The following PALS2 variants were observed in gnomAD, a reference collection of about 807,000 sequenced individuals.
PALS2 encodes protein associated with LIN7 2, MAGUK p55 family member.
In PALS2, 27 loss-of-function variants were observed where a neutral mutation model predicts 61.6. The ratio of observed to expected loss-of-function variants is 0.44; its 90% CI spans 0.32 to 0.60. The LOEUF is 0.60. Ranked by LOEUF, PALS2 falls within the 20% of genes least tolerant of loss-of-function variation. PALS2 has a pLI of 0.05. For missense variants in PALS2, 554 were observed against 639.4 expected (o/e 0.87, Z 1.44); for synonymous variants, 236 against 218.6 (o/e 1.08, Z -0.70).
At chr7:24,590,863 G>A (rs1408859842) in intron 1 of PALS2, among the ~76,000 whole-genome samples, 1 of 149,308 alleles carries the variant, frequency 6.7e-6, no homozygotes, top group African/African-American at 2.5e-5. Flanking sequence ...TTTTTTTTGA[G>A]GGGATGTTTT....
rs576918593 is a variant in PALS2 at position 24,662,482 on chromosome 7, A to T, written c.652-1108A>T. ...TAAAACAAGTCTGTTTTAAGAAAGC[A>T]GTTGGGCTGGGCGCAGTGGCTTATG... On this transcript the variant is annotated intron_variant, in intron 5 of 11. Transcript: ENST00000222644. Among the ~76,000 whole-genome samples the T allele has an allele frequency of 2.6e-5, 4 of 152,232 alleles. No individual in the cohort carries two copies. The East Asian group carries it at 7.7e-4, about 29-fold the overall frequency.
intron 5 of PALS2, among the ~76,000 whole-genome samples, chr7:24,650,938 T>A (rs1786115938): frequency 6.6e-6 from 1 of 152,216 alleles, no homozygotes; most frequent in Non-Finnish European, 1.5e-5. Flanking sequence ...CCAGGAACCC[T>A]GGCATAATAG....
chr7:24,649,008 T>C (rs1159550783), intron 3 of PALS2, among the ~76,000 whole-genome samples: 2 of 152,150 alleles, frequency 1.3e-5, no homozygotes, highest in African/African-American at 4.8e-5. Context: ...TACGTTATAT[T>C]CGGGACTATT....
chr7:24,623,569 C>T, intron 1 of PALS2, 97 bp from the exon 2 acceptor site: 3 of 620,120 alleles, frequency 4.8e-6, no homozygotes, highest in Non-Finnish European at 5.4e-6. Context: ...TGTCTAGTTG[C>T]ATTATTAAAA....
At chr7:24,680,615 A>C in intron 11 of PALS2, 95 bp downstream of exon 11, 2 of 1,412,970 alleles carry the variant, frequency 1.4e-6, no homozygotes, top group South Asian at 3.0e-5. Flanking sequence ...TTTATTTTTG[A>C]GGCAGAGTTT....
chr7:24,578,436 A>G (rs1371097510), intron 1 of PALS2, among the ~76,000 whole-genome samples: 1 of 152,238 alleles, frequency 6.6e-6, no homozygotes, highest in Non-Finnish European at 1.5e-5. Context: ...GGCCATAAGT[A>G]ATAGAAATCC....
rs745993580 is a variant in PALS2, at chr7:24,691,469, AT to A, written c.*3857del. 15 of 141,846 alleles carry A rather than the reference AT, an allele frequency of 1.1e-4. 1 individual carries two copies. The highest frequency in any genetic ancestry group is 7.9e-4 in the Admixed American group (11 of 13,956). The allele number at this position is 141,846 out of a possible 1,614,324, so 8.8% of individuals were successfully genotyped here. A position where few individuals can be genotyped will look rare whatever the true frequency, so the allele number is the denominator to read the frequency against. On this transcript the variant is annotated 3_prime_UTR_variant, in exon 12 of 12. Transcript: ENST00000222644. ...TACAGCTATGTGTATAATATGTAAA[AT>A]TCTCCCAAAATGTATGAATATAAAA...
intron 11 of PALS2, among the ~76,000 whole-genome samples, chr7:24,683,145 A>T (rs183363538): frequency 1.3e-5 from 2 of 152,266 alleles, no homozygotes; most frequent in African/African-American, 4.8e-5. Context: ...CCTTGGATAA[A>T]TTATATTTTT....
chr7:24,670,922 T>G (rs1169925770), intron 9 of PALS2, among the ~76,000 whole-genome samples: 6 of 152,244 alleles, frequency 3.9e-5, no homozygotes, highest in Non-Finnish European at 2.9e-5. Flanking sequence ...TATTTATATA[T>G]TCATCAGTTG....
intron 1 of PALS2, among the ~76,000 whole-genome samples, chr7:24,616,878 A>G (rs1195150906): frequency 6.6e-6 from 1 of 152,086 alleles, no homozygotes; most frequent in Non-Finnish European, 1.5e-5. Flanking sequence ...TTTGAGTATA[A>G]TGTGCCCCAG....
At chr7:24,632,139 A>T (rs1229569186) in intron 2 of PALS2, among the ~76,000 whole-genome samples, 1 of 152,204 alleles carries the variant, frequency 6.6e-6, no homozygotes, top group Admixed American at 6.5e-5. Context: ...TGTTAAACAC[A>T]CATTCACTAA....
chr7:24,603,352 T>G (rs1783783679), intron 1 of PALS2, among the ~76,000 whole-genome samples: 1 of 152,088 alleles, frequency 6.6e-6, no homozygotes, highest in Non-Finnish European at 1.5e-5. Context: ...ACTTTGCTGG[T>G]GAAAAGTGGT....
chr7:24,653,985 C>T (rs1485290440), intron 5 of PALS2, among the ~76,000 whole-genome samples: 1 of 152,102 alleles, frequency 6.6e-6, no homozygotes, highest in Non-Finnish European at 1.5e-5. Flanking sequence ...TTTGATGAAG[C>T]TTCCAACAGT....
chr7:24,624,877 G>A (rs1784676033), intron 2 of PALS2, among the ~76,000 whole-genome samples: 1 of 152,062 alleles, frequency 6.6e-6, no homozygotes, highest in Non-Finnish European at 1.5e-5. Flanking sequence ...TGGGATTACA[G>A]GCATAAGCCA....
rs546865656 is a variant in PALS2, at chr7:24,621,767, A to C, written c.-2-1899A>C. The stretch of plus-strand genomic sequence containing the variant: ...ACAGTGTTTATATTTTACTTTAATA[A>C]AAATAAAAGTTAATATTAAAAACGA... On this transcript the variant is annotated intron_variant, in intron 1 of 11. Coordinates refer to ENST00000222644, the MANE Select transcript of PALS2 (RefSeq NM_001303037.2). 2.6e-5 allele frequency among the ~76,000 whole-genome samples: 4 copies of C among 152,102 alleles called. No individual in the cohort carries two copies. The South Asian group carries it at 6.2e-4, about 24-fold the overall frequency.
chr7:24,649,977 G>A (rs766127169), intron 4 of PALS2, among the ~76,000 whole-genome samples: 5 of 152,040 alleles, frequency 3.3e-5, no homozygotes, highest in Non-Finnish European at 7.4e-5. Context: ...GCTAGAAGTA[G>A]AAATATGGCA....
intron 1 of PALS2, among the ~76,000 whole-genome samples, chr7:24,587,288 G>A: frequency 6.6e-6 from 1 of 152,084 alleles, no homozygotes; most frequent in East Asian, 1.9e-4. Context: ...GGAGGGGAAA[G>A]AGCAGAGGAA....
intron 9 of PALS2, among the ~76,000 whole-genome samples, chr7:24,672,231 T>G (rs1260694473): frequency 6.9e-6 from 1 of 144,078 alleles, no homozygotes; most frequent in Non-Finnish European, 1.5e-5. Flanking sequence ...TTGTTTTGTT[T>G]TGTTTTGTTT....
intron 3 of PALS2, among the ~76,000 whole-genome samples, chr7:24,643,705 G>C (rs1256548757): frequency 3.3e-5 from 5 of 152,014 alleles, no homozygotes; most frequent in African/African-American, 1.2e-4. Flanking sequence ...AAAAGACCAG[G>C]CTATTGTCCT....
Sources: allele counts gnomAD v4.1 joint callset (sites outside exome capture counted in the v4.1 genomes callset), GRCh38; gene constraint gnomAD v4.1.1; transcripts MANE v1.5; gene names NCBI Gene and HGNC (gene_info 2026-07-23, HGNC 2026-07-21).